The following PAPPA2 variants were observed in gnomAD, a reference collection of about 807,000 sequenced individuals.
The protein encoded by PAPPA2 is pappalysin 2, also known as pappalysin-2.
Under a neutral mutation model 176.4 loss-of-function variants are expected in PAPPA2, and 86 were observed. The observed-to-expected ratio is 0.49, with a 90% confidence interval of 0.41 to 0.58. The LOEUF is 0.58. PAPPA2 is among the 20% of genes least tolerant of loss of function. The pLI, the probability that PAPPA2 is intolerant of heterozygous loss-of-function variation, is 0.00. For synonymous variants in PAPPA2, 809 were observed against 852.2 expected, an observed-to-expected ratio of 0.95 and a Z score of 0.88; for missense variants, 2,073 against 2,256.9, an observed-to-expected ratio of 0.92 and a Z score of 1.65.
chr1:176,774,270 A>C (rs1212177691), intron 17 of PAPPA2, among the ~76,000 whole-genome samples: 1 of 152,070 alleles, frequency 6.6e-6, no homozygotes. Context: ...CTGCGTGCTG[A>C]TGATTCCTAA....
At position 176,532,399 on chromosome 1, in the gene PAPPA2, C is replaced by A. The variant is rs530685015; in HGVS notation, c.-916-23008C>A. 1.8e-3 allele frequency among the ~76,000 whole-genome samples: 276 copies of A among 152,324 alleles called. 1 individual carries two copies. Among genetic ancestry groups the A allele is most frequent in the African/African-American group, 6.4e-3 (268 of 41,572 alleles). Reference sequence around the variant, plus strand: ...TGCGAAGGTGACTGCATGGTCAAATCTGCGTCCAGGTAATGTGACGGAGCT... The same window carrying A: ...TGCGAAGGTGACTGCATGGTCAAATATGCGTCCAGGTAATGTGACGGAGCT... On this transcript the variant is annotated intron_variant, in intron 1 of 22. Transcript: ENST00000367662.
intron 3 of PAPPA2, among the ~76,000 whole-genome samples, chr1:176,652,832 C>CATGGT (rs1657810344): frequency 6.6e-6 from 1 of 151,692 alleles, no homozygotes; most frequent in African/African-American, 2.4e-5. Context: ...TTTCTGCATA[C>CATGGT]ATGGTGCTGG....
intron 4 of PAPPA2, among the ~76,000 whole-genome samples, chr1:176,688,486 T>C (rs1366133979): frequency 6.6e-6 from 1 of 152,226 alleles, no homozygotes; most frequent in African/African-American, 2.4e-5. Context: ...TCAAGTTAGC[T>C]TAACGTTATG....
intron 1 of PAPPA2, among the ~76,000 whole-genome samples, chr1:176,526,804 A>C (rs1649523011): frequency 6.6e-6 from 1 of 152,236 alleles, no homozygotes; most frequent in Non-Finnish European, 1.5e-5. Context: ...AGGTTGGAAG[A>C]AATGAATTCA....
chr1:176,624,582 G>A (rs79206826), intron 3 of PAPPA2, among the ~76,000 whole-genome samples: 125 of 151,890 alleles, frequency 8.2e-4, no homozygotes, highest in African/African-American at 2.6e-3. Flanking sequence ...CTAAATTCTC[G>A]TTATTTTCCA....
At chr1:176,665,704 C>T (rs1483539830) in intron 3 of PAPPA2, among the ~76,000 whole-genome samples, 1 of 152,130 alleles carries the variant, frequency 6.6e-6, no homozygotes, top group South Asian at 2.1e-4. Flanking sequence ...TAAATCTTTC[C>T]ATGGACACAG....
At chr1:176,731,623 T>C (rs552977248) in intron 12 of PAPPA2, among the ~76,000 whole-genome samples, 1 of 151,622 alleles carries the variant, frequency 6.6e-6, no homozygotes, top group Admixed American at 6.6e-5. Context: ...AATGTAATAC[T>C]TTGAGATATA....
chr1:176,559,411 T>A (rs1041010638), intron 2 of PAPPA2, among the ~76,000 whole-genome samples: 1 of 152,240 alleles, frequency 6.6e-6, no homozygotes, highest in Non-Finnish European at 1.5e-5. Context: ...TCAGTAAAGA[T>A]GTAGGGTAAA....
chr1:176,671,237 C>A, intron 4 of PAPPA2, 122 bp downstream of exon 4: 1 of 1,293,992 alleles, frequency 7.7e-7, no homozygotes, highest in Non-Finnish European at 1.1e-6. Context: ...AGTGAATTAA[C>A]TGCTTTGTGC....
chr1:176,800,243 C>T (rs1665625055), intron 21 of PAPPA2, 111 bp downstream of exon 21: 2 of 888,246 alleles, frequency 2.3e-6, no homozygotes, highest in African/African-American at 3.4e-5. Context: ...TTCCTCTGTC[C>T]TTTGTTTAAC....
intron 4 of PAPPA2, among the ~76,000 whole-genome samples, 197 bp from the exon 5 acceptor site, chr1:176,689,940 A>T (rs147965717): frequency 5.9e-5 from 9 of 152,302 alleles, no homozygotes; most frequent in African/African-American, 2.2e-4. Flanking sequence ...CATGTAGAGG[A>T]TAAAGAAATG....
At chr1:176,615,670 C>T (rs747219583) in intron 3 of PAPPA2, among the ~76,000 whole-genome samples, 7 of 152,072 alleles carry the variant, frequency 4.6e-5, no homozygotes, top group Non-Finnish European at 1.0e-4. Flanking sequence ...TATAGAAACA[C>T]ATGAAATAAT....
chr1:176,558,251 GT>G (rs1651443849), intron 2 of PAPPA2, among the ~76,000 whole-genome samples: 3 of 152,118 alleles, frequency 2.0e-5, no homozygotes, highest in Non-Finnish European at 2.9e-5. Context: ...ATGTTTTCCA[GT>G]CCCATTATAT....
intron 17 of PAPPA2, among the ~76,000 whole-genome samples, chr1:176,783,197 T>C (rs921891017): frequency 6.6e-6 from 1 of 152,196 alleles, no homozygotes; most frequent in Non-Finnish European, 1.5e-5. Flanking sequence ...GATGTATATT[T>C]TCCTATACAA....
chr1:176,680,661 G>T (rs956866503), intron 4 of PAPPA2, among the ~76,000 whole-genome samples: 13 of 152,026 alleles, frequency 8.6e-5, no homozygotes, highest in Admixed American at 2.6e-4. Context: ...CTTCTCAGTT[G>T]AGTTATCATT....
intron 20 of PAPPA2, among the ~76,000 whole-genome samples, chr1:176,796,801 C>G (rs1461105394): frequency 7.0e-6 from 1 of 143,772 alleles, no homozygotes; most frequent in African/African-American, 2.6e-5. Flanking sequence ...TTTCTTCCTC[C>G]CTCTCTCTCC....
chr1:176,821,268 C>G (rs906436827), intron 21 of PAPPA2, among the ~76,000 whole-genome samples: 20 of 152,070 alleles, frequency 1.3e-4, no homozygotes, highest in Non-Finnish European at 2.5e-4. Flanking sequence ...GCCGATAATA[C>G]AATCATATGA....
intron 3 of PAPPA2, among the ~76,000 whole-genome samples, chr1:176,603,476 A>G: frequency 6.6e-6 from 1 of 152,104 alleles, no homozygotes; most frequent in Admixed American, 6.5e-5. Flanking sequence ...GGTTTTTCTG[A>G]GGTTCCATCA....
chr1:176,828,388 G>A (rs975392495), intron 21 of PAPPA2, among the ~76,000 whole-genome samples: 5 of 151,908 alleles, frequency 3.3e-5, no homozygotes, highest in African/African-American at 7.3e-5. Flanking sequence ...ACAGTTTTAC[G>A]TTTAGGTTTG....
Sources: allele counts gnomAD v4.1 joint callset (sites outside exome capture counted in the v4.1 genomes callset), GRCh38; gene constraint gnomAD v4.1.1; transcripts MANE v1.5; gene names NCBI Gene and HGNC (gene_info 2026-07-23, HGNC 2026-07-21).